Variants in DCAF8L2 observed in about 807,000 individuals in gnomAD.
The protein encoded by DCAF8L2 is DDB1- and CUL4-associated factor 8-like protein 2.
For missense variants in DCAF8L2, 430 were observed against 490.7 expected (o/e 0.88, Z 1.17); for synonymous variants, 200 against 190.9 (o/e 1.05, Z -0.39).
At position 27,747,327 on chromosome X, in the gene DCAF8L2, G is replaced by GGAAGAA. The variant is rs759521005; in HGVS notation, c.436_441dup (p.Glu146_Glu147dup). 21 of 1,121,712 alleles carry GGAAGAA rather than the reference G, an allele frequency of 1.9e-5. No individual in the cohort carries two copies. In the East Asian group the frequency reaches 4.1e-4, roughly 22 times the overall value. The allele number at this position is 1,121,712 out of a possible 1,213,427, so 92.4% of individuals were successfully genotyped here. On this transcript the variant is annotated inframe_insertion, in exon 5 of 5. Transcript: ENST00000451261. ...AGGAGGAGGAGGAGGAGGAGGAGGAGGAAGAAGAACAGCCTCGGGCGGGTC... is the reference window on the plus strand; with the variant it reads ...AGGAGGAGGAGGAGGAGGAGGAGGAGGAAGAAGAAGAAGAACAGCCTCGGGCGGGTC...
intron 3 of DCAF8L2, among the ~76,000 whole-genome samples, chrX:27,690,451 A>G (rs1171546053): frequency 2.7e-5 from 3 of 111,505 alleles, no homozygotes; most frequent in African/African-American, 9.8e-5. Context: ...TTTTTCTCAG[A>G]CAAATACATT....
the DCAF8L2 span, among the ~76,000 whole-genome samples, chrX:27,472,635 A>T: frequency 1.9e-4 from 21 of 111,422 alleles, no homozygotes; most frequent in Admixed American, 5.7e-4. Context: ...GAGTGAGAAC[A>T]TGCGGTGTTT....
the DCAF8L2 span, among the ~76,000 whole-genome samples, chrX:27,583,462 AC>A: frequency 1.8e-5 from 2 of 109,740 alleles, no homozygotes; most frequent in Non-Finnish European, 3.8e-5. Flanking sequence ...TTGTTTCTTT[AC>A]CCTCTTTTTG....
At chrX:27,498,569 G>T in the DCAF8L2 span, among the ~76,000 whole-genome samples, 1 of 112,377 alleles carries the variant, frequency 8.9e-6, no homozygotes, top group South Asian at 3.6e-4. Context: ...GTTGTGGTGA[G>T]AATACTTAAG....
chrX:27,526,145 C>T, the DCAF8L2 span, among the ~76,000 whole-genome samples: 6 of 111,944 alleles, frequency 5.4e-5, no homozygotes, highest in East Asian at 5.6e-4. Context: ...CCATTCTCCC[C>T]GTCACTTTCA....
At chrX:27,621,878 C>A (rs1330904679) in intron 1 of DCAF8L2, among the ~76,000 whole-genome samples, 5 of 110,051 alleles carry the variant, frequency 4.5e-5, no homozygotes, top group African/African-American at 1.7e-4. Flanking sequence ...CCTGTAGTCC[C>A]AGCTACTCAG....
At chrX:27,711,647 A>T (rs1235548354) in intron 3 of DCAF8L2, among the ~76,000 whole-genome samples, 2 of 110,645 alleles carry the variant, frequency 1.8e-5, no homozygotes, top group Non-Finnish European at 3.8e-5. Context: ...GAAAATAATT[A>T]AAAAGGAATA....
chrX:27,655,089 C>T (rs750814042), intron 2 of DCAF8L2, among the ~76,000 whole-genome samples: 5 of 110,989 alleles, frequency 4.5e-5, no homozygotes, highest in African/African-American at 1.6e-4. Flanking sequence ...TTTTTAAATA[C>T]TCAAGGAAAA....
chrX:27,592,502 TC>T (rs1373633880), intron 1 of DCAF8L2, among the ~76,000 whole-genome samples: 1 of 107,887 alleles, frequency 9.3e-6, no homozygotes, highest in Non-Finnish European at 1.9e-5. Flanking sequence ...AATGGCATGA[TC>T]TTGGCTCACC....
intron 2 of DCAF8L2, among the ~76,000 whole-genome samples, chrX:27,654,826 GTTA>G (rs1034729804): frequency 1.1e-4 from 12 of 111,489 alleles, no homozygotes; most frequent in African/African-American, 3.6e-4. Context: ...CTTCATAAAT[GTTA>G]TTATTTTTCT....
At chrX:27,724,652 A>G (rs1002394676) in intron 4 of DCAF8L2, among the ~76,000 whole-genome samples, 3 of 111,567 alleles carry the variant, frequency 2.7e-5, no homozygotes, top group Admixed American at 1.9e-4. Context: ...ATAAAAATCT[A>G]TTTTGTCAAT....
At chrX:27,648,522 T>TA (rs1332706247) in intron 2 of DCAF8L2, among the ~76,000 whole-genome samples, 3 of 60,336 alleles carry the variant, frequency 5.0e-5, no homozygotes, top group African/African-American at 3.4e-4. Flanking sequence ...ATATGTATTA[T>TA]TTATATATAT....
chrX:27,637,790 T>C (rs971869392), intron 2 of DCAF8L2, among the ~76,000 whole-genome samples: 2 of 112,283 alleles, frequency 1.8e-5, no homozygotes, highest in African/African-American at 6.5e-5. Flanking sequence ...TTCTCAACTT[T>C]CTAGCAGCCA....
chrX:27,487,694 TATAC>T, the DCAF8L2 span, among the ~76,000 whole-genome samples: 1 of 112,416 alleles, frequency 8.9e-6, no homozygotes, highest in African/African-American at 3.2e-5. Context: ...TTTTAATAAA[TATAC>T]AAAGTTTTAA....
At chrX:27,508,468 T>C in the DCAF8L2 span, among the ~76,000 whole-genome samples, 2 of 109,697 alleles carry the variant, frequency 1.8e-5, no homozygotes, top group Non-Finnish European at 3.8e-5. Context: ...TTACCCAACA[T>C]AAAGTTTATT....
intron 1 of DCAF8L2, among the ~76,000 whole-genome samples, chrX:27,623,407 T>C (rs1407872455): frequency 9.0e-6 from 1 of 111,619 alleles, no homozygotes; most frequent in African/African-American, 3.3e-5. Flanking sequence ...CTGGAAATAC[T>C]GCATAAATGG....
chrX:27,723,369 C>A (rs1212708759), intron 4 of DCAF8L2, among the ~76,000 whole-genome samples: 1 of 110,372 alleles, frequency 9.1e-6, no homozygotes, highest in Non-Finnish European at 1.9e-5. Context: ...AGAAAAAAAA[C>A]TCCTAGAAAT....
At chrX:27,648,523 T>A (rs866792238) in intron 2 of DCAF8L2, among the ~76,000 whole-genome samples, 10 of 102,039 alleles carry the variant, frequency 9.8e-5, no homozygotes, top group Admixed American at 4.4e-4. Context: ...TATGTATTAT[T>A]TATATATATA....
At chrX:27,599,194 G>A in intron 1 of DCAF8L2, among the ~76,000 whole-genome samples, 1 of 110,985 alleles carries the variant, frequency 9.0e-6, no homozygotes, top group Non-Finnish European at 1.9e-5. Context: ...CCTTTAAAAA[G>A]AAGGAAATCC....
Sources: gnomAD v4.1 joint callset for allele counts (sites outside exome capture counted in the v4.1 genomes callset) on GRCh38, gnomAD v4.1.1 for gene constraint, MANE v1.5 for transcripts, NCBI Gene and HGNC (gene_info 2026-07-23, HGNC 2026-07-21) for gene names.